The following GPM6A variants were observed in gnomAD, a reference collection of about 807,000 sequenced individuals.
GPM6A encodes neuronal membrane glycoprotein M6-a.
A neutral mutation model predicts 32.1 loss-of-function variants in GPM6A; 7 were observed. The ratio of observed to expected loss-of-function variants is 0.22; its 90% confidence interval spans 0.12 to 0.41. GPM6A has a LOEUF of 0.41. Ranked by LOEUF, GPM6A falls within the 10% of genes least tolerant of loss-of-function variation. The probability of loss-of-function intolerance (pLI) is 1.00; values close to 1 mark genes in which losing one functional copy is unlikely to be tolerated. For synonymous variants in GPM6A, 130 were observed against 123.4 expected, an observed-to-expected ratio of 1.05 and a Z score of -0.35; for missense variants, 235 against 347.2, an observed-to-expected ratio of 0.68 and a Z score of 2.57.
chr4:175,786,296 G>T (rs1270717287), intron 1 of GPM6A, among the ~76,000 whole-genome samples: 11 of 141,832 alleles, frequency 7.8e-5, no homozygotes, highest in Middle Eastern at 7.6e-3. Flanking sequence ...TTTTTGTTTT[G>T]TTTTTTTTTT....
chr4:175,715,917 T>G (rs1014304495), intron 1 of GPM6A, among the ~76,000 whole-genome samples: 1 of 152,186 alleles, frequency 6.6e-6, no homozygotes, highest in African/African-American at 2.4e-5. Flanking sequence ...TATACAAAAT[T>G]AGCTGGGTGT....
chr4:175,884,669 C>T (rs1281900990), intron 1 of GPM6A, among the ~76,000 whole-genome samples: 1 of 151,826 alleles, frequency 6.6e-6, no homozygotes, highest in East Asian at 1.9e-4. Flanking sequence ...GTAGCTGGGA[C>T]TACCAGTGCC....
intron 1 of GPM6A, among the ~76,000 whole-genome samples, chr4:175,711,457 T>TATATACAC (rs1303046650): frequency 6.1e-4 from 17 of 27,984 alleles, no homozygotes; most frequent in Non-Finnish European, 1.2e-3. Flanking sequence ...TATATATATA[T>TATATACAC]ACACACACAT....
chr4:175,927,809 T>C (rs1218351208), intron 1 of GPM6A, among the ~76,000 whole-genome samples: 3 of 152,176 alleles, frequency 2.0e-5, no homozygotes, highest in Non-Finnish European at 2.9e-5. Context: ...GGCTTGAACC[T>C]GCGAGGCGGA....
chr4:175,662,547 C>A lies in GPM6A; in HGVS notation c.388-10560G>T, dbSNP rs561621500. 4.6e-5 allele frequency among the ~76,000 whole-genome samples: 7 copies of A among 152,144 alleles called. No individual in the cohort carries two copies. The East Asian group carries it at 1.4e-3, about 29-fold the overall frequency. ...CCTGGGAGGCGGAGATTGCAGTGAGCCGAGATCGCACCACTGCACTCCAGC... is the reference window on the plus strand; with the variant it reads ...CCTGGGAGGCGGAGATTGCAGTGAGACGAGATCGCACCACTGCACTCCAGC... On this transcript the variant is annotated intron_variant, in intron 3 of 6. Coordinates refer to ENST00000393658, the MANE Select transcript of GPM6A (RefSeq NM_201591.3).
chr4:175,773,177 T>C (rs75122530), intron 1 of GPM6A, among the ~76,000 whole-genome samples: 3,079 of 152,306 alleles, frequency 0.02, 56 homozygotes, highest in Non-Finnish European at 0.031. Context: ...AAAAAACAGT[T>C]GAATGGTTTT....
intron 1 of GPM6A, among the ~76,000 whole-genome samples, chr4:175,729,621 A>G (rs752519915): frequency 1.3e-5 from 2 of 152,136 alleles, no homozygotes; most frequent in Non-Finnish European, 2.9e-5. Context: ...AACAAAAAGT[A>G]TAAATACTTG....
At chr4:175,659,350 G>C (rs946297541) in intron 3 of GPM6A, among the ~76,000 whole-genome samples, 5 of 152,170 alleles carry the variant, frequency 3.3e-5, no homozygotes, top group African/African-American at 1.2e-4. Flanking sequence ...AAAGTTCTGG[G>C]ATTACAGGAG....
intron 1 of GPM6A, among the ~76,000 whole-genome samples, chr4:175,973,816 C>T (rs1041651346): frequency 5.9e-5 from 9 of 152,154 alleles, no homozygotes; most frequent in East Asian, 3.8e-4. Context: ...GCGCCACCGC[C>T]GCTTGTCTTA....
chr4:175,953,140 C>T (rs1055269951), intron 1 of GPM6A, among the ~76,000 whole-genome samples: 2 of 151,636 alleles, frequency 1.3e-5, no homozygotes, highest in East Asian at 3.9e-4. Context: ...AGCATGCATG[C>T]ATTCTACATA....
chr4:175,931,748 G>A (rs1739054848), intron 1 of GPM6A, among the ~76,000 whole-genome samples: 1 of 149,906 alleles, frequency 6.7e-6, no homozygotes, highest in Non-Finnish European at 1.5e-5. Context: ...TGCAATGAGA[G>A]TAGATAAACT....
At chr4:175,816,153 C>T (rs1371653692), upstream of GPM6A, among the ~76,000 whole-genome samples, 3 of 152,270 alleles carry the variant, frequency 2.0e-5, no homozygotes, top group South Asian at 2.1e-4. Context: ...CTCACATCAC[C>T]GCACTGCAGC....
intron 6 of GPM6A, among the ~76,000 whole-genome samples, chr4:175,636,544 C>G (rs185997849): frequency 2.5e-3 from 382 of 150,246 alleles, no homozygotes; most frequent in African/African-American, 9.0e-3. Flanking sequence ...GCCTGTAATC[C>G]CAGCACTTTG....
chr4:175,781,219 T>G (rs1421806198), intron 1 of GPM6A: 2 of 151,894 alleles, frequency 1.3e-5, no homozygotes, highest in Non-Finnish European at 1.5e-5. Flanking sequence ...CGTGCGAAAA[T>G]AAGATCATAC....
At position 175,696,140 on chromosome 4, in the gene GPM6A, T is replaced by A. The variant is rs533200600; in HGVS notation, c.230+5435A>T. On this transcript the variant is annotated intron_variant, in intron 2 of 6. Transcript: ENST00000393658. ...ATCACATCATAATAATAAACACTTG[T>A]ATAGTGCTTACTCTGTGCCAGCCAT... is the stretch of plus-strand genomic sequence containing the variant. Among the ~76,000 whole-genome samples the A allele has an allele frequency of 6.0e-4, 91 of 152,330 alleles. 1 individual carries two copies. Among genetic ancestry groups the A allele is most frequent in the African/African-American group, 2.0e-3 (85 of 41,578 alleles).
chr4:175,899,689 C>A (rs1737892111), intron 1 of GPM6A, among the ~76,000 whole-genome samples: 1 of 152,006 alleles, frequency 6.6e-6, no homozygotes, highest in Admixed American at 6.6e-5. Context: ...TGAAACTACA[C>A]CCCTATCTCT....
intron 1 of GPM6A, among the ~76,000 whole-genome samples, chr4:175,793,561 A>G (rs1401323413): frequency 6.6e-6 from 1 of 152,042 alleles, no homozygotes; most frequent in African/African-American, 2.4e-5. Flanking sequence ...TTTCTATTAG[A>G]GAAAGGGTTT....
chr4:175,964,846 A>G (rs1229164050), intron 1 of GPM6A, among the ~76,000 whole-genome samples: 1 of 152,222 alleles, frequency 6.6e-6, no homozygotes, highest in Non-Finnish European at 1.5e-5. Flanking sequence ...GAGGCACTAC[A>G]TAATGATAAA....
At chr4:175,792,713 T>C (rs1367987551) in intron 1 of GPM6A, among the ~76,000 whole-genome samples, 1 of 152,194 alleles carries the variant, frequency 6.6e-6, no homozygotes, top group Non-Finnish European at 1.5e-5. Flanking sequence ...CTTATAATTC[T>C]TTGACATCTG....
Sources: gnomAD v4.1 joint callset for allele counts (sites outside exome capture counted in the v4.1 genomes callset) on GRCh38, gnomAD v4.1.1 for gene constraint, MANE v1.5 for transcripts, NCBI Gene and HGNC (gene_info 2026-07-23, HGNC 2026-07-21) for gene names.